Variants in NRG1 observed in about 807,000 individuals in gnomAD.
NRG1 encodes the protein pro-neuregulin-1, membrane-bound isoform.
Under a neutral mutation model 63.8 loss-of-function variants are expected in NRG1, and 18 were observed. That is an observed-to-expected ratio of 0.28 (90% CI 0.19 to 0.42). The LOEUF (loss-of-function observed/expected upper bound fraction) is 0.42. NRG1 is among the 10% of genes least tolerant of loss of function. The pLI, the probability that NRG1 is intolerant of heterozygous loss-of-function variation, is 1.00. For synonymous variants in NRG1, 302 were observed against 301.3 expected (o/e 1.00, Z -0.02); for missense variants, 762 against 814.7 (o/e 0.94, Z 0.79).
chr8:32,200,299 A>G (rs1013208568), intron 1 of NRG1, among the ~76,000 whole-genome samples: 1 of 152,078 alleles, frequency 6.6e-6, no homozygotes, highest in Non-Finnish European at 1.5e-5. Flanking sequence ...GTTGCTCTTG[A>G]TGGTTTTAAT....
intron 1 of NRG1, among the ~76,000 whole-genome samples, chr8:32,219,982 C>T (rs527803867): frequency 6.6e-6 from 1 of 152,054 alleles, no homozygotes; most frequent in Non-Finnish European, 1.5e-5. Context: ...GACACACCCC[C>T]GGCTGTCAGA....
At chr8:32,382,874 A>G (rs1453377287) in intron 1 of NRG1, among the ~76,000 whole-genome samples, 2 of 152,116 alleles carry the variant, frequency 1.3e-5, no homozygotes, top group African/African-American at 4.8e-5. Context: ...TGAAACTTAC[A>G]TTGATGGAAT....
In NRG1 at chr8:32,139,305, A is replaced by G. The variant is rs985518496; in HGVS notation, c.38-456523A>G. 3.3e-5 allele frequency: 5 copies of G among 152,198 alleles called. No individual in the cohort carries two copies. The East Asian group carries it at 9.6e-4, about 29-fold the overall frequency. 9.4% of individuals were successfully genotyped at this position (152,198 alleles called of 1,614,324 possible). On this transcript the variant is annotated intron_variant, in intron 1 of 10. Transcript: ENST00000519301. ...CATTTCTCCCCTTCAGAAGGCAAAC[A>G]CCTGGGGGAGAAGATCTGCTTAAGG...
intron 1 of NRG1, among the ~76,000 whole-genome samples, chr8:32,438,212 G>C (rs7845525): frequency 0.78 from 118,391 of 152,080 alleles, 47,583 homozygotes; most frequent in Non-Finnish European, 0.87. Flanking sequence ...TAAAACCCTG[G>C]CAATAATTAA....
At chr8:31,941,932 G>T (rs1801817929) in intron 1 of NRG1, among the ~76,000 whole-genome samples, 2 of 152,166 alleles carry the variant, frequency 1.3e-5, no homozygotes, top group East Asian at 3.9e-4. Flanking sequence ...TCATGGATGG[G>T]TGAATTAATA....
intron 1 of NRG1, among the ~76,000 whole-genome samples, chr8:31,958,105 ATGTTTGTGTGTG>A (rs1023523800): frequency 7.9e-4 from 120 of 152,192 alleles, no homozygotes; most frequent in South Asian, 1.2e-3. Context: ...ATAGGCAGAG[ATGTTTGTGTGTG>A]TGTTTGTGTG....
chr8:31,976,344 G>C lies in NRG1; in HGVS notation c.37+336913G>C, dbSNP rs149386975. Among the ~76,000 whole-genome samples the C allele has an allele frequency of 8.3e-3, 1,257 of 152,106 alleles. 18 individuals are homozygous for C. The highest frequency in any genetic ancestry group is 0.029 in the African/African-American group (1,205 of 41,502). ...TTCTGGGTCTCCCTTCATCTTTGTA[G>C]GTTTCTGAGCTATTTTTGTACTGTC... On this transcript the variant is annotated intron_variant, in intron 1 of 10. Transcript: ENST00000519301.
intron 1 of NRG1, among the ~76,000 whole-genome samples, chr8:32,390,728 A>G (rs1185788585): frequency 1.3e-5 from 2 of 151,930 alleles, no homozygotes; most frequent in South Asian, 2.1e-4. Flanking sequence ...TACTGACCAT[A>G]CTCTGGTAAT....
chr8:32,384,860 T>C (rs1212524225), intron 1 of NRG1, among the ~76,000 whole-genome samples: 3 of 152,230 alleles, frequency 2.0e-5, no homozygotes, highest in Admixed American at 6.5e-5. Flanking sequence ...AGCAGCGTTT[T>C]TATAAAACTG....
At chr8:32,731,025 C>T (rs1022085025) in intron 6 of NRG1, among the ~76,000 whole-genome samples, 2 of 152,216 alleles carry the variant, frequency 1.3e-5, no homozygotes, top group South Asian at 4.1e-4. Flanking sequence ...GATCATTTTT[C>T]ATCATCACTT....
chr8:32,447,848 C>CAAAA (rs35074926), intron 1 of NRG1, among the ~76,000 whole-genome samples: 1 of 125,370 alleles, frequency 8.0e-6, no homozygotes, highest in African/African-American at 3.1e-5. Context: ...AACCCTGTGT[C>CAAAA]AAAAAAAAAA....
At chr8:32,095,411 C>T (rs1009097703) in intron 1 of NRG1, among the ~76,000 whole-genome samples, 16 of 152,062 alleles carry the variant, frequency 1.1e-4, no homozygotes, top group Non-Finnish European at 1.5e-4. Context: ...AAAAATTCAT[C>T]CATTTGGATA....
At chr8:31,964,250 G>GA (rs1805952955) in intron 1 of NRG1, among the ~76,000 whole-genome samples, 1 of 152,212 alleles carries the variant, frequency 6.6e-6, no homozygotes, top group Admixed American at 6.5e-5. Flanking sequence ...CAGACAGCTA[G>GA]TGCCAGTAAG....
intron 1 of NRG1, among the ~76,000 whole-genome samples, chr8:31,659,258 G>T (rs1164054915): frequency 6.6e-6 from 1 of 152,140 alleles, no homozygotes; most frequent in African/African-American, 2.4e-5. Context: ...GGCACTGAGC[G>T]GAAACAAGAG....
chr8:32,233,563 A>ATATATATATATTTT (rs34593729), intron 1 of NRG1, among the ~76,000 whole-genome samples: 24 of 67,240 alleles, frequency 3.6e-4, no homozygotes, highest in East Asian at 2.8e-3. Context: ...ATATATATAT[A>ATATATATATATTTT]TTTTTTTTTT....
At chr8:32,761,450 G>C in intron 11 of NRG1, among the ~76,000 whole-genome samples, 1 of 152,086 alleles carries the variant, frequency 6.6e-6, no homozygotes, top group East Asian at 1.9e-4. Context: ...GGGCTTGAAG[G>C]CCTGTTGCTT....
At chr8:32,671,647 T>C (rs1253034908) in intron 5 of NRG1, among the ~76,000 whole-genome samples, 1 of 152,156 alleles carries the variant, frequency 6.6e-6, no homozygotes, top group Non-Finnish European at 1.5e-5. Context: ...TCTTAAAATA[T>C]GAATTTTTAA....
intron 1 of NRG1, among the ~76,000 whole-genome samples, chr8:32,233,561 A>T (rs946984810): frequency 1.2e-3 from 72 of 59,328 alleles, no homozygotes; most frequent in South Asian, 4.3e-3. Context: ...ATATATATAT[A>T]TATTTTTTTT....
chr8:32,729,238 T>A (rs1187586062), intron 6 of NRG1, among the ~76,000 whole-genome samples: 2 of 152,230 alleles, frequency 1.3e-5, no homozygotes, highest in African/African-American at 2.4e-5. Context: ...AGTTTACTGT[T>A]GATATTTAGT....
Sources: gnomAD v4.1 joint callset for allele counts (sites outside exome capture counted in the v4.1 genomes callset) on GRCh38, gnomAD v4.1.1 for gene constraint, MANE v1.5 for transcripts, NCBI Gene and HGNC (gene_info 2026-07-23, HGNC 2026-07-21) for gene names.